The following U2AF2 variants were observed in gnomAD, a reference collection of about 807,000 sequenced individuals.
U2AF2 encodes the protein splicing factor U2AF 65 kDa subunit.
U2AF2 carries 6 observed loss-of-function variants against 52.6 expected under a neutral mutation model. The ratio of observed to expected loss-of-function variants is 0.11; its 90% CI spans 0.06 to 0.23. The LOEUF is 0.23. Ranked by LOEUF, U2AF2 falls within the 10% of genes least tolerant of loss-of-function variation. U2AF2 has a pLI of 1.00. For missense variants in U2AF2, 222 were observed against 677.1 expected, an observed-to-expected ratio of 0.33 and a Z score of 7.46; for synonymous variants, 284 against 258.2, an observed-to-expected ratio of 1.10 and a Z score of -0.96.
intron 10 of U2AF2, 75 bp downstream of exon 10, chr19:55,669,256 T>C: frequency 1.3e-6 from 2 of 1,576,396 alleles, no homozygotes; most frequent in East Asian, 4.6e-5. Flanking sequence ...GTGTTCCTGA[T>C]CTTTCTCCCA....
chr19:55,668,990 C>T lies in U2AF2; in HGVS notation c.946-93C>T. On this transcript the variant is annotated intron_variant, in intron 9 of 11. Coordinates refer to ENST00000308924, the MANE Select transcript of U2AF2 (RefSeq NM_007279.3). This position sits in a 1 kb window ranked among gnomAD's most constrained non-coding sequence, Gnocchi z 5.5. ...TCCCCTTTGCCTTCCCCTCTTCCCC[C>T]ACCAATGCCCCGGCTTGGGGGTAGG... The T allele has an allele frequency of 6.6e-7, 1 of 1,510,046 alleles. No individual in the cohort carries two copies. The highest frequency in any genetic ancestry group is 1.2e-5 in the South Asian group (1 of 82,352). The allele number at this position is 1,510,046 out of a possible 1,614,324, so 93.5% of individuals were successfully genotyped here. A position where few individuals can be genotyped will look rare whatever the true frequency, so the allele number is the denominator to read the frequency against.
At chr19:55,670,451 C>G (rs1600084261) in intron 11 of U2AF2, among the ~76,000 whole-genome samples, 2 of 11,260 alleles carry the variant, frequency 1.8e-4, no homozygotes, top group Non-Finnish European at 4.9e-4. Flanking sequence ...CCTGCTGTCC[C>G]GTGCACCCTG....
chr19:55,673,884 G>T (rs664684), intron 11 of U2AF2, 50 bp from the exon 12 acceptor site: 2 of 1,567,446 alleles, frequency 1.3e-6, no homozygotes, highest in Non-Finnish European at 1.7e-6. Flanking sequence ...ACGCTGACTG[G>T]CTGTTGGGCG....
At position 55,668,602 on chromosome 19, in the gene U2AF2, C is replaced by T; in HGVS notation, c.822+16C>T. ...CGATGACCAGGTAACTTCCCTGCCT[C>T]CCTCCAGACCCGTCCCCCCACCCCG... On this transcript the variant is annotated intron_variant, in intron 8 of 11. Coordinates refer to ENST00000308924, the MANE Select transcript of U2AF2 (RefSeq NM_007279.3). The surrounding 1 kb of genome is among the most constrained non-coding windows in gnomAD (Gnocchi z 5.5). The T allele has an allele frequency of 1.3e-6, 2 of 1,598,918 alleles. No homozygotes were observed. The highest frequency in any genetic ancestry group is 2.7e-5 in the African/African-American group (2 of 74,716).
rs1984705818 is a variant in U2AF2, at chr19:55,668,870, C to T, written c.945+78C>T. Reference sequence around the variant, plus strand: ...TGTTGCCAAGCCATGGTCTCCCCTCCTCAGGGGACGGGGCGGGAGGCGGCC... The same window carrying T: ...TGTTGCCAAGCCATGGTCTCCCCTCTTCAGGGGACGGGGCGGGAGGCGGCC... On this transcript the variant is annotated intron_variant, in intron 9 of 11. Transcript: ENST00000308924. The surrounding 1 kb of genome is among the most constrained non-coding windows in gnomAD (Gnocchi z 5.5). 3 of 1,559,976 alleles carry T rather than the reference C, an allele frequency of 1.9e-6. No homozygotes were observed. The African/African-American group carries it at 4.1e-5, about 21-fold the overall frequency.
intron 7 of U2AF2, among the ~76,000 whole-genome samples, chr19:55,664,495 GA>G (rs1363739628): frequency 6.6e-6 from 1 of 152,228 alleles, no homozygotes; most frequent in Non-Finnish European, 1.5e-5. Flanking sequence ...TGATGAATGG[GA>G]TTTGAGGGAG....
chr19:55,655,036 G>A lies in U2AF2; in HGVS notation c.-69G>A. On this transcript the variant is annotated 5_prime_UTR_variant, in exon 1 of 12. Transcript: ENST00000308924. ...GTAGCCGAAGCCAGCGGCGGAAGTA[G>A]CCGAAGCGGCTGGAGCGGGCGGCAA... The A allele has an allele frequency of 1.3e-6, 2 of 1,587,404 alleles. No homozygotes were observed. Among genetic ancestry groups the A allele is most frequent in the Non-Finnish European group, 1.7e-6 (2 of 1,167,058 alleles).
In U2AF2 at chr19:55,668,444, CTG is replaced by C; in HGVS notation, c.743-61_743-60del. 6.8e-7 allele frequency: 1 copy of C among 1,474,110 alleles called. No individual in the cohort carries two copies. The highest frequency in any genetic ancestry group is 9.2e-7 in the Non-Finnish European group (1 of 1,088,302). 91.3% of individuals were successfully genotyped at this position (1,474,110 alleles called of 1,614,324 possible). A position where few individuals can be genotyped will look rare whatever the true frequency, so the allele number is the denominator to read the frequency against. On this transcript the variant is annotated intron_variant, in intron 7 of 11. Transcript: ENST00000308924. This position sits in a 1 kb window ranked among gnomAD's most constrained non-coding sequence, Gnocchi z 5.5. ...TGGCAATTGAGGAGCTCGCCGTAGA[CTG>C]TCCAGGTTTTGGGAGATAACCTGGT...
intron 11 of U2AF2, 71 bp downstream of exon 11, chr19:55,669,763 C>A: frequency 6.7e-7 from 1 of 1,486,204 alleles, no homozygotes; most frequent in Non-Finnish European, 9.0e-7. Flanking sequence ...CTTTCTTCCT[C>A]TCTTGCTCCC....
chr19:55,662,701 C>T (rs1984294438), intron 6 of U2AF2, 83 bp downstream of exon 6: 2 of 1,283,362 alleles, frequency 1.6e-6, no homozygotes, highest in Admixed American at 1.8e-5. Context: ...GTGGAGCTGC[C>T]TTGTGCTGTT....
chr19:55,661,406 C>A (rs1223284180), intron 5 of U2AF2: 4 of 509,622 alleles, frequency 7.8e-6, no homozygotes, highest in Non-Finnish European at 1.4e-5. Flanking sequence ...TCCCCTCCCC[C>A]CAACCTCCTC....
intron 11 of U2AF2, among the ~76,000 whole-genome samples, chr19:55,672,488 G>A (rs1984983184): frequency 6.6e-6 from 1 of 152,036 alleles, no homozygotes; most frequent in African/African-American, 2.4e-5. Context: ...ATATTGAGAT[G>A]TATCCCCAGC....
chr19:55,670,461 GC>G, intron 11 of U2AF2, among the ~76,000 whole-genome samples: 1 of 148,814 alleles, frequency 6.7e-6, no homozygotes, highest in African/African-American at 2.6e-5. Flanking sequence ...CGTGCACCCT[GC>G]TGTCCCGTGC....
rs754433765 is a variant in U2AF2 at position 55,665,191 on chromosome 19, C to T, written c.742+1447C>T. The stretch of plus-strand genomic sequence containing the variant: ...CTGGTGAATCCACTGCGTTTTCATT[C>T]ATTTTAAGTCCCATGAGTGGCCCGC... On this transcript the variant is annotated intron_variant, in intron 7 of 11. Coordinates refer to ENST00000308924, the MANE Select transcript of U2AF2 (RefSeq NM_007279.3). Among the ~76,000 whole-genome samples the T allele has an allele frequency of 2.0e-5, 3 of 152,232 alleles. No individual in the cohort carries two copies. The East Asian group carries it at 5.8e-4, about 29-fold the overall frequency.
rs775623277 is a variant in U2AF2 at position 55,668,073 on chromosome 19, C to T, written c.743-434C>T. ...CTGAGATTACAGGCGTGAGCCCCCG[C>T]GCCCGGCCGGGACTGAGCTTTAATG... On this transcript the variant is annotated intron_variant, in intron 7 of 11. Transcript: ENST00000308924. The surrounding 1 kb of genome is among the most constrained non-coding windows in gnomAD (Gnocchi z 5.5). Among the ~76,000 whole-genome samples the T allele has an allele frequency of 3.9e-5, 6 of 152,018 alleles. No homozygotes were observed. The highest frequency in any genetic ancestry group is 7.4e-5 in the Non-Finnish European group (5 of 68,006).
intron 4 of U2AF2, 50 bp from the exon 5 acceptor site, chr19:55,660,988 A>C (rs375259244): frequency 1.3e-6 from 2 of 1,531,524 alleles, no homozygotes; most frequent in African/African-American, 2.8e-5. Flanking sequence ...AGGGGTGGTC[A>C]CTGAGCATTC....
intron 1 of U2AF2, among the ~76,000 whole-genome samples, chr19:55,656,343 A>G (rs1485722430): frequency 6.6e-6 from 1 of 152,174 alleles, no homozygotes; most frequent in African/African-American, 2.4e-5. Flanking sequence ...TGTATTAGGA[A>G]ACAGTGTCCT....
intron 11 of U2AF2, chr19:55,670,646 G>A: frequency 4.0e-6 from 1 of 247,824 alleles, no homozygotes; most frequent in Non-Finnish European, 8.1e-6. Context: ...GTCAAGAGGT[G>A]GCAGTGAGCA....
chr19:55,669,322 T>C (rs1257273460), intron 10 of U2AF2, 122 bp from the exon 11 acceptor site: 3 of 1,543,746 alleles, frequency 1.9e-6, no homozygotes, highest in African/African-American at 1.4e-5. Flanking sequence ...GAGTCGGGCT[T>C]TAGGTGTTGG....
Sources: gnomAD v4.1 joint callset for allele counts (sites outside exome capture counted in the v4.1 genomes callset) on GRCh38, gnomAD v4.1.1 for gene constraint, Gnocchi (gnomAD v3.1) non-coding constraint, MANE v1.5 for transcripts, NCBI Gene and HGNC (gene_info 2026-07-23, HGNC 2026-07-21) for gene names.